CDC20B: variants seen among roughly 807,000 people sequenced by gnomAD.
The protein encoded by CDC20B is cell division cycle protein 20 homolog B.
In CDC20B, 58 loss-of-function variants were observed where a neutral mutation model predicts 64.1. That is an observed-to-expected ratio of 0.90 (90% CI 0.73 to 1.13). CDC20B has a LOEUF of 1.13. Among genes scored for constraint, CDC20B ranks in the 50% most tolerant of loss-of-function variants. The pLI, the probability that CDC20B is intolerant of heterozygous loss-of-function variation, is 0.00. For synonymous variants in CDC20B, 243 were observed against 230.6 expected (o/e 1.05, Z -0.49); for missense variants, 597 against 633.0 (o/e 0.94, Z 0.61).
chr5:55,116,236 T>C (rs1742624245), intron 11 of CDC20B, among the ~76,000 whole-genome samples: 1 of 152,122 alleles, frequency 6.6e-6, no homozygotes, highest in South Asian at 2.1e-4. Flanking sequence ...ATTTAGTTGT[T>C]TTAAAAGGAT....
chr5:55,167,652 G>T (rs1458098652), intron 2 of CDC20B, among the ~76,000 whole-genome samples: 1 of 151,904 alleles, frequency 6.6e-6, no homozygotes, highest in African/African-American at 2.4e-5. Context: ...TTGAGCCCAG[G>T]AGTTAGAGAC....
At chr5:55,134,373 C>T (rs336101) in intron 5 of CDC20B, among the ~76,000 whole-genome samples, 31,112 of 151,876 alleles carry the variant, frequency 0.2, 3,256 homozygotes, top group South Asian at 0.3. Context: ...AAACCTGTAG[C>T]TGAGGGCAAA....
At chr5:55,140,505 A>G (rs937693393) in intron 4 of CDC20B, 98 bp from the exon 5 acceptor site, 5 of 690,478 alleles carry the variant, frequency 7.2e-6, no homozygotes, top group Non-Finnish European at 1.2e-5. Context: ...GTAATTCACT[A>G]AGGAGTTCAA....
chr5:55,140,473 G>T, intron 4 of CDC20B, 66 bp from the exon 5 acceptor site: 1 of 1,049,718 alleles, frequency 9.5e-7, no homozygotes, highest in Non-Finnish European at 1.4e-6. Context: ...AAAATGTAAT[G>T]TATAATATAG....
At chr5:55,170,747 C>T (rs1165601786) in intron 2 of CDC20B, 1 of 520,600 alleles carries the variant, frequency 1.9e-6, no homozygotes, top group South Asian at 1.4e-5. Flanking sequence ...AGGTCACTGC[C>T]GATTCTCGTG....
intron 2 of CDC20B, chr5:55,165,879 C>T (rs1360914804): frequency 6.6e-6 from 1 of 152,232 alleles, no homozygotes; most frequent in Non-Finnish European, 1.5e-5. Context: ...AGTCAATTAA[C>T]ACACTTACTA....
chr5:55,160,443 C>CT (rs772452868), intron 2 of CDC20B: 1 of 1,457,062 alleles, frequency 6.9e-7, no homozygotes, highest in Admixed American at 1.8e-5. Flanking sequence ...TTCCTTGTCT[C>CT]TGTTTATTCC....
At chr5:55,154,232 A>G (rs1174006294) in intron 2 of CDC20B, among the ~76,000 whole-genome samples, 1 of 152,118 alleles carries the variant, frequency 6.6e-6, no homozygotes, top group East Asian at 1.9e-4. Flanking sequence ...GAAGATTCAA[A>G]AGGGTCTGGC....
At chr5:55,122,019 A>G (rs1248598159) in intron 9 of CDC20B, among the ~76,000 whole-genome samples, 1 of 152,200 alleles carries the variant, frequency 6.6e-6, no homozygotes, top group Non-Finnish European at 1.5e-5. Flanking sequence ...TCTGTAAAAC[A>G]TACTTACTCC....
rs551330850 is a variant in CDC20B at position 55,125,136 on chromosome 5, G to T, written c.990-108C>A. ...AAACTTCTGAAAGACCCCTAGGACA[G>T]ATTCAAAACACAGGTGGAGATTCCT... On this transcript the variant is annotated intron_variant, in intron 8 of 11. Transcript: ENST00000381375. 4.0e-4 allele frequency: 310 copies of T among 768,754 alleles called. 6 individuals are homozygous for T. The highest frequency in any genetic ancestry group is 3.5e-3 in the South Asian group (188 of 53,442). The allele number at this position is 768,754 out of a possible 1,614,324, so 47.6% of individuals were successfully genotyped here. A position where few individuals can be genotyped will look rare whatever the true frequency, so the allele number is the denominator to read the frequency against.
chr5:55,144,387 A>G (rs1289365498), intron 3 of CDC20B, among the ~76,000 whole-genome samples: 2 of 152,178 alleles, frequency 1.3e-5, no homozygotes, highest in African/African-American at 4.8e-5. Flanking sequence ...CTAAAACTAA[A>G]TATCTGCCAT....
intron 4 of CDC20B, among the ~76,000 whole-genome samples, chr5:55,141,170 T>C (rs1472656107): frequency 1.3e-5 from 2 of 152,212 alleles, no homozygotes; most frequent in African/African-American, 2.4e-5. Context: ...GCAGCAGCTC[T>C]CATCAACAGC....
At chr5:55,156,634 G>T (rs1010189012) in intron 2 of CDC20B, among the ~76,000 whole-genome samples, 1 of 149,726 alleles carries the variant, frequency 6.7e-6, no homozygotes, top group African/African-American at 2.6e-5. Context: ...CCAGCACTTT[G>T]TGAGGCCGAG....
At chr5:55,162,090 C>CAAAAAAAA (rs34286995) in intron 2 of CDC20B, among the ~76,000 whole-genome samples, 1 of 90,728 alleles carries the variant, frequency 1.1e-5, no homozygotes, top group African/African-American at 4.0e-5. Context: ...CCATATTAGT[C>CAAAAAAAA]AAAAAAAAAA....
rs1742548492 is a variant in CDC20B at position 55,113,267 on chromosome 5, C to G, written c.*951G>C. 6.6e-6 allele frequency: 1 copy of G among 152,214 alleles called. No individual in the cohort carries two copies. The highest frequency in any genetic ancestry group is 6.5e-5 in the Admixed American group (1 of 15,284). 9.4% of individuals were successfully genotyped at this position (152,214 alleles called of 1,614,324 possible). Reference sequence around the variant, plus strand: ...AGCGAACTGATCAAGTTTGAAGGAACCTTAGCAGTGATCAAATTCCTATCC... The same window carrying G: ...AGCGAACTGATCAAGTTTGAAGGAAGCTTAGCAGTGATCAAATTCCTATCC... On this transcript the variant is annotated 3_prime_UTR_variant, in exon 12 of 12. Coordinates refer to ENST00000381375, the MANE Select transcript of CDC20B (RefSeq NM_001170402.1).
At chr5:55,162,908 C>T (rs1744160156) in intron 2 of CDC20B, among the ~76,000 whole-genome samples, 1 of 152,164 alleles carries the variant, frequency 6.6e-6, no homozygotes, top group Non-Finnish European at 1.5e-5. Context: ...AGAGCATGAG[C>T]TCTGGAGTAA....
At chr5:55,131,427 A>C (rs77009149) in intron 6 of CDC20B, among the ~76,000 whole-genome samples, 34 of 152,344 alleles carry the variant, frequency 2.2e-4, no homozygotes, top group Non-Finnish European at 5.9e-5. Flanking sequence ...GTACTCCAAC[A>C]TTTAGAGGTC....
chr5:55,136,716 C>T (rs986020300), intron 5 of CDC20B: 1 of 152,140 alleles, frequency 6.6e-6, no homozygotes, highest in Non-Finnish European at 1.5e-5. Context: ...ATGTAGCAGG[C>T]AAGTTTCCTT....
intron 2 of CDC20B, among the ~76,000 whole-genome samples, chr5:55,172,060 G>T (rs1371538969): frequency 6.6e-6 from 1 of 152,222 alleles, no homozygotes; most frequent in Non-Finnish European, 1.5e-5. Context: ...GGCTCTTTAT[G>T]AAACACGTTT....
Sources: gnomAD v4.1 joint callset for allele counts (sites outside exome capture counted in the v4.1 genomes callset) on GRCh38, gnomAD v4.1.1 for gene constraint, MANE v1.5 for transcripts, NCBI Gene and HGNC (gene_info 2026-07-23, HGNC 2026-07-21) for gene names.